Variants in NRG3 observed in about 807,000 individuals in gnomAD.
The protein encoded by NRG3 is pro-neuregulin-3, membrane-bound isoform.
In NRG3, 31 loss-of-function variants were observed where a neutral mutation model predicts 66.9. The observed-to-expected ratio is 0.46, with a 90% CI of 0.35 to 0.63. The LOEUF (loss-of-function observed/expected upper bound fraction) is 0.63, where lower values mean the gene tolerates loss of function less well. Among genes scored for constraint, NRG3 ranks in the 20% least tolerant of loss-of-function variants. The probability of loss-of-function intolerance (pLI) is 0.00; values close to 1 mark genes in which losing one functional copy is unlikely to be tolerated. For missense variants in NRG3, 910 were observed against 878.9 expected (o/e 1.04, Z -0.45); for synonymous variants, 393 against 359.4 (o/e 1.09, Z -1.06).
At chr10:82,594,697 T>C (rs1240365383) in intron 2 of NRG3, among the ~76,000 whole-genome samples, 1 of 152,200 alleles carries the variant, frequency 6.6e-6, no homozygotes, top group Non-Finnish European at 1.5e-5. Context: ...GATGTCTAGA[T>C]TCTAGCTGTA....
intron 1 of NRG3, among the ~76,000 whole-genome samples, chr10:81,941,263 T>C (rs552623140): frequency 6.6e-6 from 1 of 152,152 alleles, no homozygotes. Context: ...GCATTTTTGT[T>C]ATTGAATCTC....
At chr10:81,908,369 A>G (rs531208573) in intron 1 of NRG3, among the ~76,000 whole-genome samples, 32 of 152,304 alleles carry the variant, frequency 2.1e-4, no homozygotes, top group African/African-American at 7.2e-4. Context: ...CAATGAGCCT[A>G]TGATTGGTAA....
rs917740810 is a variant in NRG3, at chr10:82,688,777, AAAAAG to A, written c.954-49785_954-49781del. On this transcript the variant is annotated intron_variant, in intron 2 of 8. Transcript: ENST00000372141. ...TCCATAGGTCTTTTTTAGAAAAAAA[AAAAAG>A]AAAAGAAAAGAAAATGTCGCCTCAA... 5.9e-5 allele frequency among the ~76,000 whole-genome samples: 9 copies of A among 151,882 alleles called. No individual in the cohort carries two copies. In the South Asian group the frequency reaches 1.4e-3, roughly 24 times the overall value.
intron 1 of NRG3, among the ~76,000 whole-genome samples, chr10:82,042,647 C>T (rs2207768): frequency 0.64 from 96,632 of 151,798 alleles, 32,324 homozygotes; most frequent in South Asian, 0.87. Flanking sequence ...CTTTTTCTCA[C>T]AGGATGGTTC....
intron 1 of NRG3, among the ~76,000 whole-genome samples, chr10:82,076,622 T>C (rs181861421): frequency 1.3e-5 from 2 of 152,266 alleles, no homozygotes; most frequent in Admixed American, 1.3e-4. Flanking sequence ...GAGTGAGTTC[T>C]AGCTCTGGCA....
rs552906040 is a variant in NRG3, at chr10:82,985,815, T to A, written c.*210T>A. The A allele has an allele frequency of 1.1e-5, 6 of 554,360 alleles. No homozygotes were observed. Among genetic ancestry groups the A allele is most frequent in the East Asian group, 3.4e-5 (1 of 29,398 alleles). 34.3% of individuals were successfully genotyped at this position (554,360 alleles called of 1,614,324 possible). A position where few individuals can be genotyped will look rare whatever the true frequency, so the allele number is the denominator to read the frequency against. The stretch of plus-strand genomic sequence containing the variant: ...GGGATAAAGCTTACCATTAAAGCTT[T>A]TGGGTAGAATTCTGAATCCAATTTC... On this transcript the variant is annotated 3_prime_UTR_variant, in exon 9 of 9. Coordinates refer to ENST00000372141, the MANE Select transcript of NRG3 (RefSeq NM_001010848.4).
intron 2 of NRG3, among the ~76,000 whole-genome samples, chr10:82,652,470 C>A (rs2051500873): frequency 6.6e-6 from 1 of 152,116 alleles, no homozygotes; most frequent in Non-Finnish European, 1.5e-5. Context: ...CTGGCCATCT[C>A]CAGATGGATT....
chr10:82,959,262 G>T (rs959741423), intron 6 of NRG3, among the ~76,000 whole-genome samples, 187 bp downstream of exon 6: 1 of 152,276 alleles, frequency 6.6e-6, no homozygotes, highest in East Asian at 1.9e-4. Context: ...CAGATAAAAG[G>T]CAAGTTAAAT....
chr10:82,364,220 T>C (rs1391431925), intron 2 of NRG3, among the ~76,000 whole-genome samples: 2 of 152,196 alleles, frequency 1.3e-5, no homozygotes. Flanking sequence ...AAGAGAACTT[T>C]CAATTAAGTG....
Position 82,895,253 on chromosome 10 carries a change from G to A in NRG3, c.1054+29816G>A, listed in dbSNP as rs1466595955. Among the ~76,000 whole-genome samples, 5 of 152,114 alleles carry A rather than the reference G, an allele frequency of 3.3e-5. No individual in the cohort carries two copies. In the East Asian group the frequency reaches 9.7e-4, roughly 29 times the overall value. ...AGCTGTGAACTACTCAAGGCAGGGG[G>A]TGTGTCACTCATTTCAGACCTCCAG... On this transcript the variant is annotated intron_variant, in intron 4 of 8. Transcript: ENST00000372141.
intron 1 of NRG3, among the ~76,000 whole-genome samples, chr10:81,888,340 A>G (rs1157184821): frequency 6.6e-6 from 1 of 152,138 alleles, no homozygotes; most frequent in Non-Finnish European, 1.5e-5. Context: ...CTTTTCACAT[A>G]TCTTAACACA....
At chr10:82,744,848 A>T (rs2134844321) in intron 3 of NRG3, among the ~76,000 whole-genome samples, 1 of 152,290 alleles carries the variant, frequency 6.6e-6, no homozygotes, top group East Asian at 1.9e-4. Context: ...CTCCATTCAG[A>T]GCATGTCATG....
intron 1 of NRG3, among the ~76,000 whole-genome samples, chr10:81,900,323 C>T (rs946995798): frequency 7.4e-5 from 11 of 149,252 alleles, no homozygotes; most frequent in Admixed American, 4.7e-4. Context: ...CGGTTTTTAA[C>T]GCACACTTCT....
intron 1 of NRG3, among the ~76,000 whole-genome samples, chr10:82,176,605 C>T (rs149286787): frequency 2.6e-3 from 402 of 152,168 alleles, no homozygotes; most frequent in Middle Eastern, 0.017. Flanking sequence ...CCATCTCCAG[C>T]GGTGTTTGGT....
rs142373949 is a variant in NRG3 at position 82,128,367 on chromosome 10, G to A, written c.824-230372G>A. ...AAAAATGTTTTTAAAAACTCAAATT[G>A]TGTCATGAATATGGAAGAGATACTT... On this transcript the variant is annotated intron_variant, in intron 1 of 8. Coordinates refer to ENST00000372141, the MANE Select transcript of NRG3 (RefSeq NM_001010848.4). Among the ~76,000 whole-genome samples, 273 of 152,078 alleles carry A rather than the reference G, an allele frequency of 1.8e-3. 1 individual carries two copies. Among genetic ancestry groups the A allele is most frequent in the African/African-American group, 6.0e-3 (248 of 41,506 alleles).
At chr10:82,426,998 A>G (rs1056496330) in intron 2 of NRG3, among the ~76,000 whole-genome samples, 4 of 152,044 alleles carry the variant, frequency 2.6e-5, no homozygotes, top group Non-Finnish European at 4.4e-5. Context: ...TTGCTAGTGT[A>G]TAGAAATATG....
chr10:82,039,049 T>C (rs2062917213), intron 1 of NRG3, among the ~76,000 whole-genome samples: 1 of 152,114 alleles, frequency 6.6e-6, no homozygotes, highest in Admixed American at 6.6e-5. Context: ...TGATAATACT[T>C]TTTCAGGCAT....
At chr10:82,548,831 T>G (rs1483499381) in intron 2 of NRG3, among the ~76,000 whole-genome samples, 11 of 152,086 alleles carry the variant, frequency 7.2e-5, no homozygotes, top group Non-Finnish European at 1.6e-4. Context: ...AAAAGAGGTA[T>G]CTAAGAAGCA....
chr10:82,792,939 C>G (rs1441820445), intron 3 of NRG3, among the ~76,000 whole-genome samples: 1 of 152,044 alleles, frequency 6.6e-6, no homozygotes, highest in South Asian at 2.1e-4. Context: ...CCTCGGCGTC[C>G]CAAAGTGCTG....
Sources: gnomAD v4.1 joint callset for allele counts (sites outside exome capture counted in the v4.1 genomes callset) on GRCh38, gnomAD v4.1.1 for gene constraint, MANE v1.5 for transcripts, NCBI Gene and HGNC (gene_info 2026-07-23, HGNC 2026-07-21) for gene names.